Variants in TMEM132C observed in about 807,000 individuals in gnomAD.
The protein encoded by TMEM132C is transmembrane protein 132C, also known as protein phosphatase 1, regulatory subunit 152.
Under a neutral mutation model 61.4 loss-of-function variants are expected in TMEM132C, and 29 were observed. The observed-to-expected ratio is 0.47, with a 90% CI of 0.35 to 0.64. The LOEUF (loss-of-function observed/expected upper bound fraction) is 0.64, where lower values mean the gene tolerates loss of function less well. Ranked by LOEUF, TMEM132C falls within the 30% of genes least tolerant of loss-of-function variation. TMEM132C has a pLI of 0.00. For missense variants in TMEM132C, 1,408 were observed against 1,476.9 expected, an observed-to-expected ratio of 0.95 and a Z score of 0.76; for synonymous variants, 656 against 633.1, an observed-to-expected ratio of 1.04 and a Z score of -0.54.
intron 3 of TMEM132C, among the ~76,000 whole-genome samples, chr12:128,561,313 A>G (rs531142462): frequency 6.6e-6 from 1 of 152,328 alleles, no homozygotes; most frequent in South Asian, 2.1e-4. Context: ...GAGCTTCTTC[A>G]TCTTTATTTT....
intron 3 of TMEM132C, among the ~76,000 whole-genome samples, chr12:128,595,989 A>G (rs1363726356): frequency 1.3e-5 from 2 of 152,220 alleles, no homozygotes; most frequent in African/African-American, 4.8e-5. Flanking sequence ...CAGTGAGAAC[A>G]TCCACTCTAT....
Position 128,344,250 on chromosome 12 carries a change from C to T in TMEM132C, c.86-70482C>T, listed in dbSNP as rs78456273. ...TAGGCTCACGGCAAGCTCCGCCTCC[C>T]GGGTTCACGCCATTCTCCTGCCTCA... On this transcript the variant is annotated intron_variant, in intron 1 of 8. Coordinates refer to ENST00000435159, the MANE Select transcript of TMEM132C (RefSeq NM_001136103.3). Among the ~76,000 whole-genome samples, 891 of 152,242 alleles carry T rather than the reference C, an allele frequency of 5.9e-3. 12 individuals are homozygous for T. Among genetic ancestry groups the T allele is most frequent in the Middle Eastern group, 0.017 (5 of 294 alleles).
At chr12:128,638,923 ATGGTGATGG>A (rs1565999025) in intron 4 of TMEM132C, among the ~76,000 whole-genome samples, 4 of 111,560 alleles carry the variant, frequency 3.6e-5, no homozygotes, top group Admixed American at 9.0e-5. Flanking sequence ...GATGGTGGTG[ATGGTGATGG>A]TGGTGATGGT....
At chr12:128,513,949 C>G (rs1872645213) in intron 2 of TMEM132C, among the ~76,000 whole-genome samples, 1 of 152,176 alleles carries the variant, frequency 6.6e-6, no homozygotes, top group African/African-American at 2.4e-5. Flanking sequence ...TGCAACAAGA[C>G]AGACCGTAGG....
Position 128,570,548 on chromosome 12 carries a change from T to C in TMEM132C, c.1121+26445T>C, listed in dbSNP as rs562584050. Among the ~76,000 whole-genome samples, 4 of 151,486 alleles carry C rather than the reference T, an allele frequency of 2.6e-5. No individual in the cohort carries two copies. The highest frequency in any genetic ancestry group is 5.9e-5 in the Non-Finnish European group (4 of 67,848). On this transcript the variant is annotated intron_variant, in intron 3 of 8. Transcript: ENST00000435159. This position sits in a 1 kb window ranked among gnomAD's most constrained non-coding sequence, Gnocchi z 4.7. Reference sequence around the variant, plus strand: ...TGCAGAGGCCTAACGAAACACGGCTTTTTTTTTTCCTTTGACTCAGCATGA... The same window carrying C: ...TGCAGAGGCCTAACGAAACACGGCTCTTTTTTTTCCTTTGACTCAGCATGA...
At chr12:128,688,602 A>G (rs1158538830) in intron 5 of TMEM132C, among the ~76,000 whole-genome samples, 1 of 152,214 alleles carries the variant, frequency 6.6e-6, no homozygotes, top group Non-Finnish European at 1.5e-5. Flanking sequence ...TAGAGGAAAC[A>G]TTGTAACAGA....
intron 1 of TMEM132C, among the ~76,000 whole-genome samples, chr12:128,373,558 C>T (rs1028219270): frequency 2.0e-5 from 3 of 152,160 alleles, no homozygotes; most frequent in African/African-American, 4.8e-5. Context: ...ACCAATTCCT[C>T]GTTGGTGGCT....
At chr12:128,681,654 C>CTTTT (rs5801810) in intron 5 of TMEM132C, among the ~76,000 whole-genome samples, 2 of 131,602 alleles carry the variant, frequency 1.5e-5, no homozygotes, top group South Asian at 2.6e-4. Flanking sequence ...CAGACTGTAT[C>CTTTT]TTTTTTTTTT....
At chr12:128,450,882 C>A (rs1476371734) in intron 2 of TMEM132C, among the ~76,000 whole-genome samples, 1 of 152,152 alleles carries the variant, frequency 6.6e-6, no homozygotes, top group Non-Finnish European at 1.5e-5. Context: ...GGCGCATATG[C>A]CTCAAAACAT....
intron 3 of TMEM132C, among the ~76,000 whole-genome samples, chr12:128,547,895 GT>G: frequency 6.6e-6 from 1 of 152,288 alleles, no homozygotes; most frequent in East Asian, 1.9e-4. Context: ...CACACACCAA[GT>G]CTAACTAAAA....
intron 2 of TMEM132C, among the ~76,000 whole-genome samples, chr12:128,497,951 A>G (rs1169197193): frequency 1.3e-5 from 2 of 152,168 alleles, no homozygotes; most frequent in African/African-American, 2.4e-5. Context: ...AGCTGTTCCT[A>G]TTCGGCCATC....
chr12:128,462,093 A>ATTTG (rs113307316), intron 2 of TMEM132C, among the ~76,000 whole-genome samples: 47,100 of 151,476 alleles, frequency 0.31, 11,186 homozygotes, highest in African/African-American at 0.66. Context: ...CTGTTATTTT[A>ATTTG]TTTGTTTGTT....
At chr12:128,288,723 C>A (rs2135906328) in intron 1 of TMEM132C, 1 of 152,282 alleles carries the variant, frequency 6.6e-6, no homozygotes, top group East Asian at 1.9e-4. Context: ...ATGGGTCAAA[C>A]CCACTGTAGT....
chr12:128,575,118 C>T (rs1370904778), intron 3 of TMEM132C, among the ~76,000 whole-genome samples: 1 of 152,158 alleles, frequency 6.6e-6, no homozygotes, highest in Non-Finnish European at 1.5e-5. Context: ...TGGAATAATA[C>T]CTTTGACCAG....
chr12:128,699,686 C>T (rs1320001213), intron 8 of TMEM132C, among the ~76,000 whole-genome samples: 2 of 152,210 alleles, frequency 1.3e-5, no homozygotes, highest in African/African-American at 2.4e-5. Flanking sequence ...CCAGGAAGAT[C>T]ACTCTATCAC....
At chr12:128,471,465 A>C (rs1284033714) in intron 2 of TMEM132C, among the ~76,000 whole-genome samples, 1 of 152,144 alleles carries the variant, frequency 6.6e-6, no homozygotes, top group African/African-American at 2.4e-5. Flanking sequence ...AACCAAATGG[A>C]AGGAGGTTGT....
intron 1 of TMEM132C, among the ~76,000 whole-genome samples, chr12:128,405,915 G>T (rs1321910295): frequency 6.6e-6 from 1 of 152,160 alleles, no homozygotes; most frequent in Non-Finnish European, 1.5e-5. Flanking sequence ...ATTCTCAGCA[G>T]CCCCCATGGA....
intron 5 of TMEM132C, among the ~76,000 whole-genome samples, chr12:128,685,280 T>C (rs1488599200): frequency 6.6e-6 from 1 of 152,240 alleles, no homozygotes; most frequent in Non-Finnish European, 1.5e-5. Flanking sequence ...CTTAGCAGAA[T>C]GCATCTGTCA....
At chr12:128,642,662 C>A (rs939326129) in intron 4 of TMEM132C, among the ~76,000 whole-genome samples, 1 of 152,238 alleles carries the variant, frequency 6.6e-6, no homozygotes, top group Non-Finnish European at 1.5e-5. Flanking sequence ...TCTGAGGCTT[C>A]CCCAGAGGCA....
Sources: allele counts gnomAD v4.1 joint callset (sites outside exome capture counted in the v4.1 genomes callset), GRCh38; gene constraint gnomAD v4.1.1; non-coding constraint Gnocchi (gnomAD v3.1); transcripts MANE v1.5; gene names NCBI Gene and HGNC (gene_info 2026-07-23, HGNC 2026-07-21).